The following CAMK4 variants were observed in gnomAD, a reference collection of about 807,000 sequenced individuals.
CAMK4 encodes calcium/calmodulin dependent protein kinase IV.
Under a neutral mutation model 44.9 loss-of-function variants are expected in CAMK4, and 22 were observed. That is an observed-to-expected ratio of 0.49 (90% CI 0.35 to 0.70). The LOEUF is 0.70. CAMK4 is among the 30% of genes least tolerant of loss of function. CAMK4 has a pLI of 0.01. For missense variants in CAMK4, 498 were observed against 586.8 expected (o/e 0.85, Z 1.56); for synonymous variants, 218 against 215.4 (o/e 1.01, Z -0.11).
At chr5:111,357,998 A>G (rs1394132550) in intron 2 of CAMK4, 1 of 152,074 alleles carries the variant, frequency 6.6e-6, no homozygotes, top group African/African-American at 2.4e-5. Context: ...ACAAAGGCAA[A>G]AAAGAATTCA....
intron 5 of CAMK4, among the ~76,000 whole-genome samples, chr5:111,437,106 A>G (rs923720319): frequency 3.3e-5 from 5 of 152,206 alleles, no homozygotes; most frequent in Admixed American, 3.3e-4. Flanking sequence ...CTCAATAAGC[A>G]CCACTGAGGT....
At chr5:111,314,124 T>G (rs988693270) in intron 1 of CAMK4, among the ~76,000 whole-genome samples, 2 of 152,100 alleles carry the variant, frequency 1.3e-5, no homozygotes, top group Admixed American at 6.6e-5. Flanking sequence ...TGTGAAATTT[T>G]GGGGAATGCA....
chr5:111,350,623 A>G (rs372946616), intron 2 of CAMK4, among the ~76,000 whole-genome samples: 23 of 152,026 alleles, frequency 1.5e-4, no homozygotes, highest in East Asian at 1.4e-3. Context: ...TAGATCTACA[A>G]TAGAAAAACG....
chr5:111,246,377 G>A (rs1030343181), intron 1 of CAMK4, among the ~76,000 whole-genome samples: 1 of 152,122 alleles, frequency 6.6e-6, no homozygotes, highest in African/African-American at 2.4e-5. Context: ...ATGTACAAAT[G>A]TAATTTAATA....
At chr5:111,395,621 C>T (rs896644726) in intron 5 of CAMK4, among the ~76,000 whole-genome samples, 24 of 152,086 alleles carry the variant, frequency 1.6e-4, no homozygotes, top group African/African-American at 5.8e-4. Flanking sequence ...TAAATTGGAA[C>T]ACAAGTTTTG....
rs756805210 is a variant in CAMK4, at chr5:111,459,032, G to A, written c.625+9829G>A. On this transcript the variant is annotated intron_variant, in intron 7 of 10. Transcript: ENST00000282356. ...GATATCCAAGTGGAAGTGACATGTG[G>A]GCAGAAGGGAATATATGGTCCACAT... 5.3e-5 allele frequency among the ~76,000 whole-genome samples: 8 copies of A among 151,980 alleles called. No individual in the cohort carries two copies. The South Asian group carries it at 6.2e-4, about 12-fold the overall frequency.
At position 111,224,630 on chromosome 5, in the gene CAMK4, G is replaced by A; in HGVS notation, c.147G>A (p.Glu49=). 6.2e-7 allele frequency: 1 copy of A among 1,610,448 alleles called. No homozygotes were observed. Among genetic ancestry groups the A allele is most frequent in the Non-Finnish European group, 8.5e-7 (1 of 1,179,078 alleles). The change falls in exon 1 of 11, where the codon GAG becomes GAA. Residue 49 remains glutamate (E), a synonymous_variant. Coordinates refer to ENST00000282356, the MANE Select transcript of CAMK4 (RefSeq NM_001744.6). The surrounding 1 kb of genome is among the most constrained non-coding windows in gnomAD (Gnocchi z 5.7). ...RDALSDFFEV[E]SELGRGATSI... The stretch of plus-strand genomic sequence containing the variant: ...CGCTGAGCGATTTCTTCGAGGTGGA[G>A]TCGGAGCTGGGACGGTAAGGCGCGG...
At chr5:111,295,481 T>C (rs971233754) in intron 1 of CAMK4, among the ~76,000 whole-genome samples, 2 of 152,346 alleles carry the variant, frequency 1.3e-5, no homozygotes, top group Admixed American at 1.3e-4. Flanking sequence ...CAGTTTATCC[T>C]TTAGCTTCCA....
At chr5:111,264,933 G>T (rs569880375) in intron 1 of CAMK4, among the ~76,000 whole-genome samples, 2 of 151,904 alleles carry the variant, frequency 1.3e-5, no homozygotes, top group Non-Finnish European at 2.9e-5. Context: ...CTTTCTTGCC[G>T]TTGACCTTTC....
chr5:111,247,061 T>G (rs1298337054), intron 1 of CAMK4, among the ~76,000 whole-genome samples: 2 of 152,050 alleles, frequency 1.3e-5, no homozygotes, highest in Non-Finnish European at 2.9e-5. Context: ...TCGGGATGTT[T>G]TATCAATCAG....
intron 9 of CAMK4, among the ~76,000 whole-genome samples, chr5:111,481,114 A>G (rs1296856628): frequency 2.0e-5 from 3 of 152,216 alleles, no homozygotes; most frequent in East Asian, 1.9e-4. Flanking sequence ...ATTGTTATCA[A>G]TATCTTCAAA....
intron 1 of CAMK4, among the ~76,000 whole-genome samples, chr5:111,230,867 G>A (rs543148500): frequency 3.3e-5 from 5 of 150,882 alleles, no homozygotes; most frequent in African/African-American, 1.2e-4. Flanking sequence ...GGAAAGCTAC[G>A]TATCTAATAA....
chr5:111,432,210 G>C (rs1462417787), intron 5 of CAMK4, among the ~76,000 whole-genome samples: 1 of 152,074 alleles, frequency 6.6e-6, no homozygotes, highest in East Asian at 1.9e-4. Flanking sequence ...CAACAAGATG[G>C]ATAGAACTGG....
chr5:111,270,798 G>A (rs1226911244), intron 1 of CAMK4, among the ~76,000 whole-genome samples: 1 of 152,170 alleles, frequency 6.6e-6, no homozygotes, highest in Non-Finnish European at 1.5e-5. Flanking sequence ...CTAGCATGTA[G>A]TAATTATCTA....
chr5:111,429,023 ACCTACAT>A (rs968288739), intron 5 of CAMK4, among the ~76,000 whole-genome samples: 74 of 152,354 alleles, frequency 4.9e-4, no homozygotes, highest in African/African-American at 1.6e-3. Flanking sequence ...AGCTATATGT[ACCTACAT>A]CAGAAAAGAG....
At chr5:111,295,320 A>C (rs1258726700) in intron 1 of CAMK4, among the ~76,000 whole-genome samples, 1 of 152,204 alleles carries the variant, frequency 6.6e-6, no homozygotes, top group African/African-American at 2.4e-5. Context: ...ATATCCTACA[A>C]ATTTCTCATT....
intron 4 of CAMK4, among the ~76,000 whole-genome samples, chr5:111,382,110 G>A (rs1336848944): frequency 1.3e-5 from 2 of 152,008 alleles, no homozygotes; most frequent in Non-Finnish European, 2.9e-5. Context: ...TTGGTCCTGT[G>A]CAAACCTATG....
intron 5 of CAMK4, among the ~76,000 whole-genome samples, chr5:111,445,996 T>G (rs1580764245): frequency 6.6e-6 from 1 of 152,356 alleles, no homozygotes; most frequent in South Asian, 2.1e-4. Context: ...GCATTTACAA[T>G]GAGAATATGT....
At chr5:111,395,035 G>A (rs757074134) in intron 5 of CAMK4, among the ~76,000 whole-genome samples, 3 of 151,496 alleles carry the variant, frequency 2.0e-5, no homozygotes, top group Middle Eastern at 3.4e-3. Context: ...ATGGTGAAAC[G>A]CCATATCTAA....
Sources: allele counts gnomAD v4.1 joint callset (sites outside exome capture counted in the v4.1 genomes callset), GRCh38; gene constraint gnomAD v4.1.1; non-coding constraint Gnocchi (gnomAD v3.1); transcripts MANE v1.5; gene names NCBI Gene and HGNC (gene_info 2026-07-23, HGNC 2026-07-21).